FHOD3: variants seen among roughly 807,000 people sequenced by gnomAD.
The protein encoded by FHOD3 is FH1/FH2 domain-containing protein 3.
In FHOD3, 90 loss-of-function variants were observed where a neutral mutation model predicts 173.0. That is an observed-to-expected ratio of 0.52 (90% CI 0.44 to 0.62). The LOEUF is 0.62. FHOD3 is among the 20% of genes least tolerant of loss of function. The pLI, the probability that FHOD3 is intolerant of heterozygous loss-of-function variation, is 0.00. For synonymous variants in FHOD3, 828 were observed against 823.0 expected, an observed-to-expected ratio of 1.01 and a Z score of -0.10; for missense variants, 1,945 against 2,034.7, an observed-to-expected ratio of 0.96 and a Z score of 0.85.
intron 17 of FHOD3, among the ~76,000 whole-genome samples, chr18:36,694,426 C>T (rs754140212): frequency 5.3e-5 from 8 of 152,194 alleles, no homozygotes; most frequent in South Asian, 2.1e-4. Flanking sequence ...CACAGCTTCC[C>T]GTGACATCCC....
At chr18:36,406,042 T>C (rs2049037981) in intron 3 of FHOD3, among the ~76,000 whole-genome samples, 1 of 152,206 alleles carries the variant, frequency 6.6e-6, no homozygotes, top group Non-Finnish European at 1.5e-5. Flanking sequence ...TGATGAGCTT[T>C]GATCTGCCCT....
intron 5 of FHOD3, among the ~76,000 whole-genome samples, chr18:36,555,927 T>C (rs1033274126): frequency 2.0e-5 from 3 of 152,186 alleles, no homozygotes; most frequent in Non-Finnish European, 4.4e-5. Flanking sequence ...GCTGATTTTT[T>C]TCTCTTTATA....
At chr18:36,521,596 T>C (rs1402442504) in intron 5 of FHOD3, among the ~76,000 whole-genome samples, 2 of 152,196 alleles carry the variant, frequency 1.3e-5, no homozygotes, top group Non-Finnish European at 2.9e-5. Context: ...CTATACCCAG[T>C]TTTTGAGTTC....
chr18:36,504,282 A>G (rs1037921305), intron 4 of FHOD3, among the ~76,000 whole-genome samples: 1 of 152,066 alleles, frequency 6.6e-6, no homozygotes, highest in Non-Finnish European at 1.5e-5. Context: ...TATGTATCTC[A>G]GTTTTCCTTC....
intron 3 of FHOD3, among the ~76,000 whole-genome samples, chr18:36,380,563 T>TTTCCTTTCCTTTCC (rs1568196019): frequency 1.0e-4 from 9 of 86,740 alleles, no homozygotes; most frequent in Non-Finnish European, 1.5e-4. Flanking sequence ...TTTTCTTTTC[T>TTTCCTTTCCTTTCC]TTTCTTTTCT....
At chr18:36,436,753 G>T (rs1454716252) in intron 3 of FHOD3, among the ~76,000 whole-genome samples, 4 of 152,200 alleles carry the variant, frequency 2.6e-5, no homozygotes, top group African/African-American at 9.7e-5. Context: ...AACTGCACAG[G>T]ATAAATTGTG....
intron 5 of FHOD3, among the ~76,000 whole-genome samples, chr18:36,555,841 TA>T (rs2057857704): frequency 6.6e-6 from 1 of 152,192 alleles, no homozygotes; most frequent in South Asian, 2.1e-4. Flanking sequence ...TTTTGCCTGG[TA>T]TTAATACAGT....
intron 5 of FHOD3, among the ~76,000 whole-genome samples, chr18:36,536,144 A>G (rs995975992): frequency 6.6e-6 from 1 of 152,242 alleles, no homozygotes; most frequent in Non-Finnish European, 1.5e-5. Context: ...CTGGCTGTGC[A>G]AAAACAAGTT....
chr18:36,424,282 G>A (rs1225887813), intron 3 of FHOD3, among the ~76,000 whole-genome samples: 1 of 152,132 alleles, frequency 6.6e-6, no homozygotes, highest in Non-Finnish European at 1.5e-5. Context: ...GTATTTCTAA[G>A]CCACTTAGTG....
chr18:36,529,755 G>A (rs765715751), intron 5 of FHOD3, among the ~76,000 whole-genome samples: 16 of 152,048 alleles, frequency 1.1e-4, no homozygotes, highest in African/African-American at 9.7e-5. Flanking sequence ...AGCTGAGATC[G>A]CGCCACTGCA....
At chr18:36,508,861 T>C (rs2055459534) in intron 4 of FHOD3, among the ~76,000 whole-genome samples, 1 of 152,184 alleles carries the variant, frequency 6.6e-6, no homozygotes, top group Admixed American at 6.5e-5. Context: ...CAGCCTCTAA[T>C]GAATGATTTA....
chr18:36,708,852 A>C (rs1295302073), intron 17 of FHOD3, among the ~76,000 whole-genome samples: 1 of 152,116 alleles, frequency 6.6e-6, no homozygotes, highest in African/African-American at 2.4e-5. Flanking sequence ...TCCTGATTGG[A>C]TCCAACTCAT....
At position 36,714,743 on chromosome 18, in the gene FHOD3, G is replaced by C. The variant is rs540216756; in HGVS notation, c.2534-3089G>C. Among the ~76,000 whole-genome samples, 4 of 152,254 alleles carry C rather than the reference G, an allele frequency of 2.6e-5. No homozygotes were observed. The East Asian group carries it at 7.7e-4, about 29-fold the overall frequency. Reference sequence around the variant, plus strand: ...GCCAGATTTTTTGCTATTATCCTCAGATGGCATCTCATCTCCTTTTGATGG... The same window carrying C: ...GCCAGATTTTTTGCTATTATCCTCACATGGCATCTCATCTCCTTTTGATGG... On this transcript the variant is annotated intron_variant, in intron 18 of 28. Coordinates refer to ENST00000590592, the MANE Select transcript of FHOD3 (RefSeq NM_001281740.3).
chr18:36,507,304 A>G (rs1301953752), intron 4 of FHOD3, among the ~76,000 whole-genome samples: 2 of 152,244 alleles, frequency 1.3e-5, no homozygotes, highest in Admixed American at 6.5e-5. Context: ...TATTTAAACT[A>G]TTGTATAAAA....
chr18:36,421,878 G>A (rs1322617238), intron 3 of FHOD3, among the ~76,000 whole-genome samples: 1 of 152,156 alleles, frequency 6.6e-6, no homozygotes, highest in Non-Finnish European at 1.5e-5. Context: ...ACCTGTAAAG[G>A]AGTCAGCATA....
At chr18:36,436,393 G>A (rs984429328) in intron 3 of FHOD3, among the ~76,000 whole-genome samples, 24 of 152,088 alleles carry the variant, frequency 1.6e-4, no homozygotes, top group Non-Finnish European at 2.6e-4. Context: ...AAATGAATTA[G>A]ACAACCAGAT....
chr18:36,574,409 TA>T (rs2058571051), intron 5 of FHOD3, among the ~76,000 whole-genome samples: 5 of 152,206 alleles, frequency 3.3e-5, no homozygotes, highest in Admixed American at 3.3e-4. Context: ...GTCTCTCATA[TA>T]AAATGCCTTT....
chr18:36,530,935 CTT>C (rs1214358949), intron 5 of FHOD3, among the ~76,000 whole-genome samples: 3 of 152,156 alleles, frequency 2.0e-5, no homozygotes, highest in Non-Finnish European at 2.9e-5. Context: ...TGACTGGAGA[CTT>C]TGGGCTGGGA....
At chr18:36,687,008 A>G in intron 15 of FHOD3, 120 bp from the exon 16 acceptor site, 2 of 660,314 alleles carry the variant, frequency 3.0e-6, no homozygotes, top group Non-Finnish European at 2.5e-6. Context: ...CAACCATTTT[A>G]CATTTCTGAG....
Sources: allele counts gnomAD v4.1 joint callset (sites outside exome capture counted in the v4.1 genomes callset), GRCh38; gene constraint gnomAD v4.1.1; transcripts MANE v1.5; gene names NCBI Gene and HGNC (gene_info 2026-07-23, HGNC 2026-07-21).